KCNH5: variants seen among roughly 807,000 people sequenced by gnomAD.
KCNH5 encodes potassium voltage-gated channel subfamily H member 5, also known as voltage-gated delayed rectifier potassium channel KCNH5.
KCNH5 carries 46 observed loss-of-function variants against 96.1 expected under a neutral mutation model. The ratio of observed to expected loss-of-function variants is 0.48; its 90% CI spans 0.38 to 0.61. KCNH5 has a LOEUF of 0.61. KCNH5 is among the 20% of genes least tolerant of loss of function. The pLI is 0.00. For synonymous variants in KCNH5, 439 were observed against 449.8 expected, an observed-to-expected ratio of 0.98 and a Z score of 0.30; for missense variants, 907 against 1,225.8, an observed-to-expected ratio of 0.74 and a Z score of 3.88.
In KCNH5 at chr14:62,708,526, C is replaced by T. The variant is rs529295635; in HGVS notation, c.2020-71G>A. ...GGATTAACAGTTGTATAATACTATG[C>T]TGTATGTGCTTTGTGTTACAAAGAA... is the stretch of plus-strand genomic sequence containing the variant. On this transcript the variant is annotated intron_variant, in intron 10 of 10. Transcript: ENST00000322893. The T allele has an allele frequency of 7.6e-5, 70 of 918,810 alleles. No individual in the cohort carries two copies. The African/African-American group carries it at 1.1e-3, about 14-fold the overall frequency. 56.9% of individuals were successfully genotyped at this position (918,810 alleles called of 1,614,324 possible).
chr14:62,704,406 T>C lies in KCNH5; in HGVS notation c.*3102A>G, dbSNP rs950043192. 4.6e-5 allele frequency: 7 copies of C among 152,000 alleles called. No homozygotes were observed. The highest frequency in any genetic ancestry group is 2.0e-4 in the Admixed American group (3 of 15,266). The allele number at this position is 152,000 out of a possible 1,614,324, so 9.4% of individuals were successfully genotyped here. On this transcript the variant is annotated 3_prime_UTR_variant, in exon 11 of 11. Coordinates refer to ENST00000322893, the MANE Select transcript of KCNH5 (RefSeq NM_139318.5). The stretch of plus-strand genomic sequence containing the variant: ...TAGCTTTGGTATTGTCATCTGGCTT[T>C]TGTGTGCCTATTTGCTTTTTATCAT...
At chr14:62,947,629 C>A (rs1595695739) in intron 7 of KCNH5, among the ~76,000 whole-genome samples, 2 of 152,006 alleles carry the variant, frequency 1.3e-5, no homozygotes, top group Non-Finnish European at 2.9e-5. Context: ...CATGTTCCAG[C>A]AAACGCCCTT....
At chr14:62,840,566 C>CTTTTCTTTCTTTTTTTTTTTTTTT (rs1887561319) in intron 8 of KCNH5, among the ~76,000 whole-genome samples, 1 of 76,366 alleles carries the variant, frequency 1.3e-5, no homozygotes, top group African/African-American at 5.8e-5. Context: ...TCTTTTTTTT[C>CTTTTCTTTCTTTTTTTTTTTTTTT]TTTTTTTTTT....
chr14:62,724,491 A>G (rs1459504634), intron 10 of KCNH5, among the ~76,000 whole-genome samples: 1 of 152,226 alleles, frequency 6.6e-6, no homozygotes, highest in African/African-American at 2.4e-5. Context: ...TTGCTAAAAG[A>G]TAACATACTT....
intron 6 of KCNH5, among the ~76,000 whole-genome samples, chr14:62,954,172 T>G (rs986265058): frequency 1.2e-4 from 18 of 152,150 alleles, no homozygotes; most frequent in African/African-American, 4.1e-4. Context: ...CCACTCTTAG[T>G]GGTTAGGATC....
chr14:62,778,721 G>T (rs2139974369), intron 10 of KCNH5, among the ~76,000 whole-genome samples: 1 of 152,286 alleles, frequency 6.6e-6, no homozygotes, highest in South Asian at 2.1e-4. Flanking sequence ...ACAGATTCTG[G>T]ATGCTCCATC....
intron 8 of KCNH5, among the ~76,000 whole-genome samples, chr14:62,839,174 T>C (rs185351537): frequency 9.9e-5 from 15 of 152,184 alleles, no homozygotes; most frequent in African/African-American, 3.6e-4. Flanking sequence ...TACAAAATCA[T>C]ACAGATAAAT....
rs911787582 is a variant in KCNH5 at position 62,699,627 on chromosome 14, A to G, written c.*7881T>C. 11 of 152,320 alleles carry G rather than the reference A, an allele frequency of 7.2e-5. No homozygotes were observed. The highest frequency in any genetic ancestry group is 2.1e-4 in the South Asian group (1 of 4,826). 9.4% of individuals were successfully genotyped at this position (152,320 alleles called of 1,614,324 possible). ...CTTCCACCTGCCAATTCACTTTTCA[A>G]AATGACCATTTTTTGAGAACAAACG... On this transcript the variant is annotated 3_prime_UTR_variant, in exon 11 of 11. Coordinates refer to ENST00000322893, the MANE Select transcript of KCNH5 (RefSeq NM_139318.5).
intron 6 of KCNH5, among the ~76,000 whole-genome samples, chr14:62,979,139 T>C (rs1040603618): frequency 6.6e-6 from 1 of 152,234 alleles, no homozygotes; most frequent in Admixed American, 6.5e-5. Flanking sequence ...TTTATTAAAA[T>C]CTTTAGGCCT....
rs182309895 is a variant in KCNH5, at chr14:62,934,056, A to C, written c.1369+16077T>G. Among the ~76,000 whole-genome samples the C allele has an allele frequency of 2.2e-3, 339 of 152,270 alleles. 2 individuals are homozygous for C. Among genetic ancestry groups the C allele is most frequent in the African/African-American group, 7.0e-3 (290 of 41,558 alleles). On this transcript the variant is annotated intron_variant, in intron 7 of 10. Transcript: ENST00000322893. ...ACGCAGCACAGAAAGGCTCTGATCA[A>C]ACATCAGAAGCTACTGAAATCTCCC...
Position 62,708,212 on chromosome 14 carries a change from C to G in KCNH5, c.2263G>C (p.Val755Leu). The G allele has an allele frequency of 1.2e-6, 2 of 1,614,206 alleles. No individual in the cohort carries two copies. Among genetic ancestry groups the G allele is most frequent in the Non-Finnish European group, 1.7e-6 (2 of 1,180,028 alleles). ...GTCTGAATGGGAGTAATCTGTGACA[C>G]AGTCACCACGCTGGTTCCGGTGATG... ...ASITGTSVVT[V>L]SQITPIQTSL... The change falls in exon 11 of 11, where the codon GTG becomes CTG. Residue 755 changes from valine to leucine, a missense_variant. This residue lies in a region of KCNH5 where 362 missense variants were observed against 394.4 expected (regional missense o/e 0.92). Transcript: ENST00000322893.
At chr14:62,986,483 A>T (rs1236059172) in intron 5 of KCNH5, among the ~76,000 whole-genome samples, 2 of 152,246 alleles carry the variant, frequency 1.3e-5, no homozygotes, top group African/African-American at 4.8e-5. Flanking sequence ...CCCTTTGTAC[A>T]TGCTGGCCTC....
intron 8 of KCNH5, among the ~76,000 whole-genome samples, chr14:62,824,829 A>G (rs1887188297): frequency 6.6e-6 from 1 of 151,814 alleles, no homozygotes; most frequent in Admixed American, 6.6e-5. Context: ...GTCCATGAGT[A>G]CCCAATCTTT....
chr14:62,855,977 T>C (rs139853710), intron 7 of KCNH5, among the ~76,000 whole-genome samples: 80 of 152,306 alleles, frequency 5.3e-4, no homozygotes, highest in African/African-American at 1.8e-3. Context: ...CTCCTCCCTA[T>C]AGAAAACTAT....
intron 5 of KCNH5, among the ~76,000 whole-genome samples, chr14:62,983,609 A>T (rs1458559568): frequency 6.6e-6 from 1 of 152,166 alleles, no homozygotes; most frequent in Non-Finnish European, 1.5e-5. Flanking sequence ...AGCCCTGCTC[A>T]GTAGCCTGGA....
chr14:62,936,604 G>A (rs1236134272), intron 7 of KCNH5, among the ~76,000 whole-genome samples: 1 of 150,382 alleles, frequency 6.6e-6, no homozygotes, highest in African/African-American at 2.5e-5. Context: ...CAACCTGGGA[G>A]GAGGAGGTTG....
chr14:62,940,970 C>T (rs75067815), intron 7 of KCNH5, among the ~76,000 whole-genome samples: 3,027 of 152,120 alleles, frequency 0.02, 60 homozygotes, highest in East Asian at 0.081. Flanking sequence ...ACAGATGAGA[C>T]GAGGATGAAG....
intron 8 of KCNH5, among the ~76,000 whole-genome samples, chr14:62,824,834 A>G (rs1202491379): frequency 6.6e-6 from 1 of 151,850 alleles, no homozygotes; most frequent in Non-Finnish European, 1.5e-5. Context: ...TGAGTACCCA[A>G]TCTTTTGTTT....
intron 10 of KCNH5, among the ~76,000 whole-genome samples, chr14:62,711,048 G>A (rs1446910788): frequency 4.6e-5 from 7 of 152,068 alleles, no homozygotes; most frequent in Admixed American, 3.9e-4. Context: ...GAGAATTTGT[G>A]GGCACCTTAG....
Sources: allele counts gnomAD v4.1 joint callset (sites outside exome capture counted in the v4.1 genomes callset), GRCh38; gene constraint gnomAD v4.1.1; regional missense constraint gnomAD v4.1.1; transcripts MANE v1.5; gene names NCBI Gene and HGNC (gene_info 2026-07-23, HGNC 2026-07-21).